The following ZNF304 variants were observed in gnomAD, a reference collection of about 807,000 sequenced individuals.
The protein encoded by ZNF304 is KRAB-containing zinc finger protein.
A neutral mutation model predicts 7.8 loss-of-function variants in ZNF304; 7 were observed. The observed-to-expected ratio is 0.90, with a 90% CI of 0.51 to 1.69. The LOEUF (loss-of-function observed/expected upper bound fraction) is 1.69, where lower values mean the gene tolerates loss of function less well. ZNF304 is among the 40% of genes most tolerant of loss of function. The pLI is 0.00. For missense variants in ZNF304, 669 were observed against 804.8 expected, an observed-to-expected ratio of 0.83 and a Z score of 2.04; for synonymous variants, 280 against 272.4, an observed-to-expected ratio of 1.03 and a Z score of -0.27.
chr19:57,354,838 T>C (rs944436052), intron 2 of ZNF304, among the ~76,000 whole-genome samples: 1 of 152,184 alleles, frequency 6.6e-6, no homozygotes, highest in African/African-American at 2.4e-5. Context: ...TCCATCCAGA[T>C]CCATGACTCT....
At chr19:57,352,723 T>C (rs1252150769) in intron 1 of ZNF304, 1 of 152,236 alleles carries the variant, frequency 6.6e-6, no homozygotes, top group African/African-American at 2.4e-5. Context: ...GGTCTAGAGG[T>C]GTGGCTGTGG....
In ZNF304 at chr19:57,357,997, T is replaced by G; in HGVS notation, c.*148T>G. 1.0e-6 allele frequency: 1 copy of G among 996,458 alleles called. No homozygotes were observed. The highest frequency in any genetic ancestry group is 2.6e-5 in the Admixed American group (1 of 38,496). 61.7% of individuals were successfully genotyped at this position (996,458 alleles called of 1,614,324 possible). A position where few individuals can be genotyped will look rare whatever the true frequency, so the allele number is the denominator to read the frequency against. On this transcript the variant is annotated 3_prime_UTR_variant, in exon 3 of 3. Coordinates refer to ENST00000282286, the MANE Select transcript of ZNF304 (RefSeq NM_020657.4). ...CTAGCAGATGAGCACCGTATATTCA[T>G]TCCACCCTGGGGAGATTCCTGATAA... is the stretch of plus-strand genomic sequence containing the variant.
chr19:57,357,921 A>T lies in ZNF304; in HGVS notation c.*72A>T. The T allele has an allele frequency of 6.6e-7, 1 of 1,519,310 alleles. No homozygotes were observed. Among genetic ancestry groups the T allele is most frequent in the Non-Finnish European group, 8.8e-7 (1 of 1,135,916 alleles). 94.1% of individuals were successfully genotyped at this position (1,519,310 alleles called of 1,614,324 possible). A position where few individuals can be genotyped will look rare whatever the true frequency, so the allele number is the denominator to read the frequency against. On this transcript the variant is annotated 3_prime_UTR_variant, in exon 3 of 3. Coordinates refer to ENST00000282286, the MANE Select transcript of ZNF304 (RefSeq NM_020657.4). ...ATGTCATCTTGTTCATCCTCATAGG[A>T]CTCACACCAGAGCAATGCTCTGTGA...
chr19:57,355,509 T>A (rs1249014193), intron 2 of ZNF304: 4 of 644,666 alleles, frequency 6.2e-6, no homozygotes, highest in Non-Finnish European at 8.3e-6. Context: ...ACATCTACTT[T>A]ACTTTCCTCA....
At chr19:57,353,536 T>C (rs1442632722) in intron 1 of ZNF304, among the ~76,000 whole-genome samples, 189 bp from the exon 2 acceptor site, 1 of 152,158 alleles carries the variant, frequency 6.6e-6, no homozygotes, top group Admixed American at 6.5e-5. Flanking sequence ...TGCTCTGGGC[T>C]GGACACAGTG....
At position 57,358,258 on chromosome 19, in the gene ZNF304, C is replaced by G. The variant is rs1380150305; in HGVS notation, c.*409C>G. 6.8e-6 allele frequency: 1 copy of G among 147,630 alleles called. No homozygotes were observed. The highest frequency in any genetic ancestry group is 2.8e-5 in the African/African-American group (1 of 36,050). 9.1% of individuals were successfully genotyped at this position (147,630 alleles called of 1,614,324 possible). A position where few individuals can be genotyped will look rare whatever the true frequency, so the allele number is the denominator to read the frequency against. ...ACTTCCCCCCCCCCCCACTTCACCCCCTACCATTGAGGGTCCTCATCTTTT... is the reference window on the plus strand; with the variant it reads ...ACTTCCCCCCCCCCCCACTTCACCCGCTACCATTGAGGGTCCTCATCTTTT... On this transcript the variant is annotated 3_prime_UTR_variant, in exon 3 of 3. Transcript: ENST00000282286.
At position 57,357,109 on chromosome 19, in the gene ZNF304, A is replaced by G; in HGVS notation, c.1240A>G (p.Thr414Ala). Residue 414 changes from threonine to alanine, a missense_variant, in exon 3 of 3, where the codon ACC (threonine) becomes GCC (alanine). Transcript: ENST00000282286. Reference sequence around the variant, plus strand: ...CCTTATTGAGCACTGGAGAATTCATACCGGGGCAAGGCCCTATGAATGCAT... The same window carrying G: ...CCTTATTGAGCACTGGAGAATTCATGCCGGGGCAAGGCCCTATGAATGCAT... ...SHLIEHWRIH[T>A]GARPYECIEC... 1 of 1,613,166 alleles carries G rather than the reference A, an allele frequency of 6.2e-7. No homozygotes were observed. The highest frequency in any genetic ancestry group is 1.1e-5 in the South Asian group (1 of 90,908).
At chr19:57,353,906 G>A in intron 2 of ZNF304, 55 bp downstream of exon 2, 1 of 1,346,828 alleles carries the variant, frequency 7.4e-7, no homozygotes, top group Non-Finnish European at 1.0e-6. Context: ...CCAAAGCTTA[G>A]TAACTGCAAA....
chr19:57,351,985 T>C lies in ZNF304; in HGVS notation c.33+288T>C. 2 of 418,176 alleles carry C rather than the reference T, an allele frequency of 4.8e-6. No individual in the cohort carries two copies. Among genetic ancestry groups the C allele is most frequent in the Non-Finnish European group, 8.6e-6 (2 of 233,708 alleles). 25.9% of individuals were successfully genotyped at this position (418,176 alleles called of 1,614,324 possible). A position where few individuals can be genotyped will look rare whatever the true frequency, so the allele number is the denominator to read the frequency against. On this transcript the variant is annotated intron_variant, in intron 1 of 2. Coordinates refer to ENST00000282286, the MANE Select transcript of ZNF304 (RefSeq NM_020657.4). The surrounding 1 kb of genome is among the most constrained non-coding windows in gnomAD (Gnocchi z 4.1). ...GGCCTGGAATGGCCGCCCGAGGAGCTGGTCCTCTCTTCTGAGGGTGCTGGG... is the reference window on the plus strand; with the variant it reads ...GGCCTGGAATGGCCGCCCGAGGAGCCGGTCCTCTCTTCTGAGGGTGCTGGG...
At position 57,353,758 on chromosome 19, in the gene ZNF304, T is replaced by G. The variant is rs780703617; in HGVS notation, c.67T>G (p.Phe23Val). ...CVTFEDVFVY[F>V]SREEWELLEE... is the part of the protein sequence containing the mutation. ...GACCTTCGAGGATGTGTTCGTGTACTTCTCTCGGGAGGAGTGGGAACTCCT... is the reference window on the plus strand; with the variant it reads ...GACCTTCGAGGATGTGTTCGTGTACGTCTCTCGGGAGGAGTGGGAACTCCT... Residue 23 changes from phenylalanine (F) to valine (V), a missense_variant, in exon 2 of 3, where the codon TTC becomes GTC. Coordinates refer to ENST00000282286, the MANE Select transcript of ZNF304 (RefSeq NM_020657.4). 2.5e-6 allele frequency: 4 copies of G among 1,613,476 alleles called. No homozygotes were observed. The South Asian group carries it at 4.4e-5, about 18-fold the overall frequency.
At position 57,351,377 on chromosome 19, in the gene ZNF304, T is replaced by C. The variant is rs1022670076; in HGVS notation, c.-288T>C. 1 of 483,874 alleles carries C rather than the reference T, an allele frequency of 2.1e-6. No homozygotes were observed. Among genetic ancestry groups the C allele is most frequent in the Non-Finnish European group, 3.7e-6 (1 of 271,588 alleles). 30.0% of individuals were successfully genotyped at this position (483,874 alleles called of 1,614,324 possible). On this transcript the variant is annotated 5_prime_UTR_variant, in exon 1 of 3. Transcript: ENST00000282286. The surrounding 1 kb of genome is among the most constrained non-coding windows in gnomAD (Gnocchi z 4.1). ...CGTGGAACCTAGCAAAGAAAGACAGTGAAGACTGCAGGACCTTCCTTCGCG... is the reference window on the plus strand; with the variant it reads ...CGTGGAACCTAGCAAAGAAAGACAGCGAAGACTGCAGGACCTTCCTTCGCG...
At position 57,351,508 on chromosome 19, in the gene ZNF304, T is replaced by G. The variant is rs1446613303; in HGVS notation, c.-157T>G. 2 of 882,618 alleles carry G rather than the reference T, an allele frequency of 2.3e-6. No homozygotes were observed. Among genetic ancestry groups the G allele is most frequent in the African/African-American group, 3.3e-5 (2 of 59,938 alleles). The allele number at this position is 882,618 out of a possible 1,614,324, so 54.7% of individuals were successfully genotyped here. A position where few individuals can be genotyped will look rare whatever the true frequency, so the allele number is the denominator to read the frequency against. ...GGCCTCCACACACGTCCTCTTGTCC[T>G]TGTCTCCCCCAGAAGCAGCCGCCTT... is the stretch of plus-strand genomic sequence containing the variant. On this transcript the variant is annotated 5_prime_UTR_variant, in exon 1 of 3. Transcript: ENST00000282286. The surrounding 1 kb of genome is among the most constrained non-coding windows in gnomAD (Gnocchi z 4.1).
At chr19:57,353,903 T>C (rs774883838) in intron 2 of ZNF304, 52 bp downstream of exon 2, 1 of 1,356,772 alleles carries the variant, frequency 7.4e-7, no homozygotes, top group Non-Finnish European at 9.9e-7. Context: ...ATCCCAAAGC[T>C]TAGTAACTGC....
In ZNF304 at chr19:57,357,126, T is replaced by C. The variant is rs767430270; in HGVS notation, c.1257T>C (p.Tyr419=). 6.2e-7 allele frequency: 1 copy of C among 1,613,212 alleles called. No individual in the cohort carries two copies. Among genetic ancestry groups the C allele is most frequent in the East Asian group, 2.2e-5 (1 of 44,868 alleles). Residue 419 remains tyrosine, a synonymous_variant, in exon 3 of 3, where the codon TAT becomes TAC. Transcript: ENST00000282286. ...GAATTCATACCGGGGCAAGGCCCTA[T>C]GAATGCATAGAATGTGGAAAATTCT... ...HWRIHTGARP[Y]ECIECGKFFS...
rs1482088317 is a variant in ZNF304, at chr19:57,359,887, T to C, written c.*2038T>C. ...GCTATTACAAATAAACCTCTGAAGA[T>C]TTGTGTGCAAATTATGGCTGAATGA... On this transcript the variant is annotated 3_prime_UTR_variant, in exon 3 of 3. Coordinates refer to ENST00000282286, the MANE Select transcript of ZNF304 (RefSeq NM_020657.4). The C allele has an allele frequency of 1.3e-5, 2 of 152,250 alleles. No homozygotes were observed. The highest frequency in any genetic ancestry group is 2.9e-5 in the Non-Finnish European group (2 of 68,040). 9.4% of individuals were successfully genotyped at this position (152,250 alleles called of 1,614,324 possible).
In ZNF304 at chr19:57,357,991, T is replaced by A. The variant is rs961231260; in HGVS notation, c.*142T>A. On this transcript the variant is annotated 3_prime_UTR_variant, in exon 3 of 3. Transcript: ENST00000282286. ...CATCAGCTAGCAGATGAGCACCGTA[T>A]ATTCATTCCACCCTGGGGAGATTCC... 3.1e-5 allele frequency: 32 copies of A among 1,036,182 alleles called. No individual in the cohort carries two copies. The African/African-American group carries it at 3.7e-4, about 12-fold the overall frequency. The allele number at this position is 1,036,182 out of a possible 1,614,324, so 64.2% of individuals were successfully genotyped here. A position where few individuals can be genotyped will look rare whatever the true frequency, so the allele number is the denominator to read the frequency against.
rs2088370567 is a variant in ZNF304 at position 57,357,969 on chromosome 19, C to G, written c.*120C>G. The G allele has an allele frequency of 1.0e-5, 13 of 1,290,334 alleles. No homozygotes were observed. The highest frequency in any genetic ancestry group is 1.4e-5 in the Non-Finnish European group (13 of 941,886). The allele number at this position is 1,290,334 out of a possible 1,614,324, so 79.9% of individuals were successfully genotyped here. A position where few individuals can be genotyped will look rare whatever the true frequency, so the allele number is the denominator to read the frequency against. On this transcript the variant is annotated 3_prime_UTR_variant, in exon 3 of 3. Coordinates refer to ENST00000282286, the MANE Select transcript of ZNF304 (RefSeq NM_020657.4). Reference sequence around the variant, plus strand: ...TGAGTACCCTTTGTGAGGGAACCATCAGCTAGCAGATGAGCACCGTATATT... The same window carrying G: ...TGAGTACCCTTTGTGAGGGAACCATGAGCTAGCAGATGAGCACCGTATATT...
intron 2 of ZNF304, chr19:57,355,543 C>T (rs2122982074): frequency 1.7e-6 from 1 of 605,422 alleles, no homozygotes; most frequent in Non-Finnish European, 2.9e-6. Flanking sequence ...TTCCATTTGT[C>T]ATTTCTCACG....
chr19:57,351,640 G>C lies in ZNF304; in HGVS notation c.-25G>C. On this transcript the variant is annotated 5_prime_UTR_variant, in exon 1 of 3. Coordinates refer to ENST00000282286, the MANE Select transcript of ZNF304 (RefSeq NM_020657.4). The surrounding 1 kb of genome is among the most constrained non-coding windows in gnomAD (Gnocchi z 4.1). The stretch of plus-strand genomic sequence containing the variant: ...CGTGGGGTTTCGGCTGAGCCCACAG[G>C]GCACAGACTGTTCATCCGCTTCTCA... The C allele has an allele frequency of 6.2e-7, 1 of 1,613,408 alleles. No individual in the cohort carries two copies.
Sources: gnomAD v4.1 joint callset for allele counts (sites outside exome capture counted in the v4.1 genomes callset) on GRCh38, gnomAD v4.1.1 for gene constraint, Gnocchi (gnomAD v3.1) non-coding constraint, MANE v1.5 for transcripts, NCBI Gene and HGNC (gene_info 2026-07-23, HGNC 2026-07-21) for gene names.